SOX5: variants seen among roughly 807,000 people sequenced by gnomAD.
The protein encoded by SOX5 is SRY-box transcription factor 5.
A neutral mutation model predicts 92.0 loss-of-function variants in SOX5; 9 were observed. The ratio of observed to expected loss-of-function variants is 0.10; its 90% CI spans 0.06 to 0.17. The LOEUF (loss-of-function observed/expected upper bound fraction) is 0.17, where lower values mean the gene tolerates loss of function less well. SOX5 is among the 10% of genes least tolerant of loss of function. SOX5 has a pLI of 1.00. For synonymous variants in SOX5, 344 were observed against 336.3 expected, an observed-to-expected ratio of 1.02 and a Z score of -0.25; for missense variants, 642 against 944.5, an observed-to-expected ratio of 0.68 and a Z score of 4.20.
At chr12:24,382,067 A>T (rs1566031665) in intron 1 of SOX5, among the ~76,000 whole-genome samples, 1 of 152,214 alleles carries the variant, frequency 6.6e-6, no homozygotes, top group Non-Finnish European at 1.5e-5. Flanking sequence ...AAACAGAACA[A>T]GTTCCTTGCC....
At chr12:24,242,093 G>T (rs1461027079) in intron 3 of SOX5, among the ~76,000 whole-genome samples, 1 of 152,006 alleles carries the variant, frequency 6.6e-6, no homozygotes, top group Non-Finnish European at 1.5e-5. Context: ...GTTATTTTTT[G>T]TCTGTTTTGT....
intron 9 of SOX5, chr12:23,582,082 T>C (rs1950118160): frequency 8.0e-6 from 7 of 873,120 alleles, no homozygotes; most frequent in Non-Finnish European, 9.6e-6. Context: ...TTATCCTCTC[T>C]GATGAAATGA....
In SOX5 at chr12:23,668,066, A is replaced by G. The variant is rs556263566; in HGVS notation, c.811-2502T>C. 2.0e-5 allele frequency among the ~76,000 whole-genome samples: 3 copies of G among 152,314 alleles called. No homozygotes were observed. In the South Asian group the frequency reaches 6.2e-4, roughly 32 times the overall value. On this transcript the variant is annotated intron_variant, in intron 6 of 14. Coordinates refer to ENST00000451604, the MANE Select transcript of SOX5 (RefSeq NM_006940.6). ...TAATTTTTTGTTTAAAAAGCTCCCAAGCATAATGCTTAAGTGCTGTCTAGT... is the reference window on the plus strand; with the variant it reads ...TAATTTTTTGTTTAAAAAGCTCCCAGGCATAATGCTTAAGTGCTGTCTAGT...
At chr12:24,513,438 T>C (rs1949505384) in intron 1 of SOX5, among the ~76,000 whole-genome samples, 1 of 152,170 alleles carries the variant, frequency 6.6e-6, no homozygotes. Flanking sequence ...AAATGAAACT[T>C]CTTGTTTGTA....
intron 3 of SOX5, chr12:24,230,683 A>G (rs1363467081): frequency 6.6e-6 from 1 of 152,230 alleles, no homozygotes. Context: ...GGTTCAAACT[A>G]GAAGATGATA....
At chr12:23,696,537 C>T (rs1323250031) in intron 6 of SOX5, among the ~76,000 whole-genome samples, 1 of 151,956 alleles carries the variant, frequency 6.6e-6, no homozygotes, top group African/African-American at 2.4e-5. Context: ...AGAGGTTTAT[C>T]GATTTTATTA....
chr12:23,883,322 T>C (rs1213574857), intron 2 of SOX5, among the ~76,000 whole-genome samples: 3 of 152,174 alleles, frequency 2.0e-5, no homozygotes, highest in Non-Finnish European at 4.4e-5. Context: ...CCAGTAAGAC[T>C]ACTGAATCAC....
At chr12:24,067,758 G>T (rs1941002807) in intron 4 of SOX5, among the ~76,000 whole-genome samples, 1 of 152,120 alleles carries the variant, frequency 6.6e-6, no homozygotes, top group Non-Finnish European at 1.5e-5. Context: ...AAGAAAAAAG[G>T]AAGAGAGCGA....
At chr12:24,382,775 G>A (rs907997673) in intron 1 of SOX5, among the ~76,000 whole-genome samples, 31 of 145,930 alleles carry the variant, frequency 2.1e-4, no homozygotes, top group Admixed American at 1.7e-3. Context: ...TTGTTGAGGC[G>A]TTAGATGTAC....
chr12:24,142,312 C>T (rs1950660135), intron 4 of SOX5, among the ~76,000 whole-genome samples: 1 of 152,110 alleles, frequency 6.6e-6, no homozygotes, highest in Admixed American at 6.5e-5. Context: ...TAACAATGAA[C>T]ACCCAAGGCA....
At chr12:23,834,236 G>C (rs181866361) in intron 3 of SOX5, among the ~76,000 whole-genome samples, 1 of 151,958 alleles carries the variant, frequency 6.6e-6, no homozygotes, top group African/African-American at 2.4e-5. Flanking sequence ...TAAAAACAAA[G>C]AGTGTTGAGA....
In SOX5 at chr12:24,106,839, T is replaced by TAATAAA. The variant is rs973341314; in HGVS notation, c.-2+106503_-2+106504insTTTATT. ...ATAATAATAATAATAATAATAATAA[T>TAATAAA]AAATAGAAGCATATTAGAACTCATT... is the stretch of plus-strand genomic sequence containing the variant. On this transcript the variant is annotated intron_variant, in intron 4 of 4. Transcript: ENST00000446891. Among the ~76,000 whole-genome samples, 16 of 136,514 alleles carry TAATAAA rather than the reference T, an allele frequency of 1.2e-4. No individual in the cohort carries two copies. The South Asian group carries it at 2.3e-3, about 20-fold the overall frequency. 89.6% of individuals were successfully genotyped at this position (136,514 alleles called of 152,430 possible).
intron 1 of SOX5, among the ~76,000 whole-genome samples, chr12:23,939,393 A>G (rs1299098429): frequency 1.3e-5 from 2 of 150,840 alleles, no homozygotes; most frequent in African/African-American, 2.4e-5. Context: ...TTCAACATTT[A>G]TATCTATAGA....
chr12:24,303,936 T>C (rs1321708098), intron 2 of SOX5, among the ~76,000 whole-genome samples: 1 of 152,218 alleles, frequency 6.6e-6, no homozygotes, highest in East Asian at 1.9e-4. Flanking sequence ...AAGACAATTG[T>C]TCAATTATAT....
chr12:24,166,772 GCT>G (rs1262838055), intron 4 of SOX5, among the ~76,000 whole-genome samples: 11 of 152,254 alleles, frequency 7.2e-5, no homozygotes, highest in African/African-American at 2.6e-4. Flanking sequence ...TTGTTTGCAT[GCT>G]CTTTGTTTAC....
rs567246145 is a variant in SOX5 at position 24,272,306 on chromosome 12, CAT to C, written c.-77+4908_-77+4909del. On this transcript the variant is annotated intron_variant, in intron 3 of 4. Coordinates refer to the SOX5 transcript ENST00000446891. ...GTCTTGCAAAATTGTCTTATTAACTCATATCGTGTGCCAATAACGACAGTTAG... is the reference window on the plus strand; with the variant it reads ...GTCTTGCAAAATTGTCTTATTAACTCATCGTGTGCCAATAACGACAGTTAG... 9.2e-5 allele frequency among the ~76,000 whole-genome samples: 14 copies of C among 152,262 alleles called. No homozygotes were observed. The East Asian group carries it at 2.7e-3, about 29-fold the overall frequency.
chr12:23,615,350 A>G (rs2076429795), intron 8 of SOX5, among the ~76,000 whole-genome samples: 2 of 152,058 alleles, frequency 1.3e-5, no homozygotes, highest in South Asian at 4.1e-4. Context: ...GTTTTATTTT[A>G]AATTTTTTAA....
chr12:23,942,944 G>A (rs1413893710), intron 1 of SOX5, among the ~76,000 whole-genome samples: 1 of 152,098 alleles, frequency 6.6e-6, no homozygotes, highest in East Asian at 1.9e-4. Context: ...AAATAGAAAC[G>A]CTGTTACATA....
intron 1 of SOX5, chr12:24,460,851 CA>C (rs1341011630): frequency 2.0e-5 from 3 of 152,100 alleles, no homozygotes; most frequent in Admixed American, 2.0e-4. Context: ...GAGACTCTTC[CA>C]GAAAAAACCT....
Sources: allele counts gnomAD v4.1 joint callset (sites outside exome capture counted in the v4.1 genomes callset), GRCh38; gene constraint gnomAD v4.1.1; transcripts MANE v1.5; gene names NCBI Gene and HGNC (gene_info 2026-07-23, HGNC 2026-07-21).